Variants in RPS6KA2 observed in about 807,000 individuals in gnomAD.
RPS6KA2 encodes the protein ribosomal protein S6 kinase alpha-2.
In RPS6KA2, 42 loss-of-function variants were observed where a neutral mutation model predicts 91.8. The observed-to-expected ratio is 0.46, with a 90% CI of 0.36 to 0.59. The LOEUF is 0.59. Among genes scored for constraint, RPS6KA2 ranks in the 20% least tolerant of loss-of-function variants. The pLI is 0.00. For missense variants in RPS6KA2, 798 were observed against 978.5 expected, an observed-to-expected ratio of 0.82 and a Z score of 2.46; for synonymous variants, 414 against 393.6, an observed-to-expected ratio of 1.05 and a Z score of -0.61.
intron 11 of RPS6KA2, among the ~76,000 whole-genome samples, chr6:166,465,936 G>A (rs1031218534): frequency 2.6e-5 from 4 of 152,178 alleles, no homozygotes; most frequent in South Asian, 2.1e-4. Context: ...TGCCACTCAC[G>A]GGCTGTGTGG....
chr6:166,710,019 T>A (rs1298143144), intron 2 of RPS6KA2, among the ~76,000 whole-genome samples: 3 of 152,248 alleles, frequency 2.0e-5, no homozygotes, highest in East Asian at 1.9e-4. Flanking sequence ...TGAAGTACTA[T>A]TCAAAATCCT....
At chr6:166,846,847 A>G (rs1202874621) in intron 2 of RPS6KA2, among the ~76,000 whole-genome samples, 1 of 152,214 alleles carries the variant, frequency 6.6e-6, no homozygotes, top group Non-Finnish European at 1.5e-5. Context: ...ATAGTACTGG[A>G]AGTCCTAGCC....
chr6:166,570,018 A>C (rs1164417948), intron 1 of RPS6KA2, among the ~76,000 whole-genome samples: 2 of 152,220 alleles, frequency 1.3e-5, no homozygotes, highest in African/African-American at 4.8e-5. Context: ...TCTGAACTAA[A>C]GTACTGTCTA....
intron 2 of RPS6KA2, among the ~76,000 whole-genome samples, chr6:166,672,853 C>G (rs1788509263): frequency 6.6e-6 from 1 of 152,190 alleles, no homozygotes; most frequent in Non-Finnish European, 1.5e-5. Context: ...GAAGCCTTCC[C>G]CTTGGCTGAA....
chr6:166,439,914 G>A (rs762525753), intron 14 of RPS6KA2: 3 of 152,266 alleles, frequency 2.0e-5, no homozygotes, highest in Non-Finnish European at 4.4e-5. Flanking sequence ...CTGGCCTCCC[G>A]AGCTATGTAT....
intron 2 of RPS6KA2, among the ~76,000 whole-genome samples, chr6:166,687,076 C>T (rs1789044946): frequency 6.6e-6 from 1 of 152,170 alleles, no homozygotes; most frequent in African/African-American, 2.4e-5. Flanking sequence ...TTCACGGACA[C>T]CTGCGACTCT....
chr6:166,747,424 AG>A (rs1247909163), intron 2 of RPS6KA2, among the ~76,000 whole-genome samples: 1 of 152,242 alleles, frequency 6.6e-6, no homozygotes, highest in East Asian at 1.9e-4. Flanking sequence ...CCCAGTTGGA[AG>A]ACACCTTAGA....
At position 166,781,985 on chromosome 6, in the gene RPS6KA2, T is replaced by A. The variant is rs184535742; in HGVS notation, c.123+76215A>T. ...TGTCCCCCCTGGACAGCCCAAGTTA[T>A]GACAACCAAAAATGTCTCTAGAGGC... On this transcript the variant is annotated intron_variant, in intron 2 of 21. Transcript: ENST00000503859. Among the ~76,000 whole-genome samples the A allele has an allele frequency of 1.7e-3, 257 of 152,312 alleles. 1 individual carries two copies. Among genetic ancestry groups the A allele is most frequent in the African/African-American group, 6.0e-3 (248 of 41,570 alleles).
chr6:166,813,864 T>C (rs568347242), intron 2 of RPS6KA2, among the ~76,000 whole-genome samples: 88 of 152,352 alleles, frequency 5.8e-4, no homozygotes, highest in African/African-American at 1.9e-3. Context: ...GTGATGATAT[T>C]GGAGATAGAC....
chr6:166,754,574 T>G (rs1777942920), intron 2 of RPS6KA2, among the ~76,000 whole-genome samples: 1 of 151,330 alleles, frequency 6.6e-6, no homozygotes, highest in Non-Finnish European at 1.5e-5. Flanking sequence ...AGCGTGAGAG[T>G]CCATAAAGGA....
At chr6:166,450,155 C>A (rs1246122846) in intron 13 of RPS6KA2, among the ~76,000 whole-genome samples, 1 of 150,046 alleles carries the variant, frequency 6.7e-6, no homozygotes, top group African/African-American at 2.5e-5. Flanking sequence ...CCACAGGGAC[C>A]ACCAGGGAGA....
At chr6:166,728,270 G>A (rs940073941) in intron 2 of RPS6KA2, among the ~76,000 whole-genome samples, 1 of 152,162 alleles carries the variant, frequency 6.6e-6, no homozygotes, top group African/African-American at 2.4e-5. Context: ...TCAGAACAAC[G>A]TTCCCAGGCC....
At chr6:166,790,692 G>C (rs1224785716) in intron 2 of RPS6KA2, among the ~76,000 whole-genome samples, 2 of 152,252 alleles carry the variant, frequency 1.3e-5, no homozygotes, top group African/African-American at 4.8e-5. Flanking sequence ...AGCCAGAGGA[G>C]AGTGGGGGCC....
chr6:166,791,101 G>A (rs1779075787), intron 2 of RPS6KA2, among the ~76,000 whole-genome samples: 1 of 152,186 alleles, frequency 6.6e-6, no homozygotes, highest in Non-Finnish European at 1.5e-5. Flanking sequence ...CCATCAGTGT[G>A]CTGTATTCAG....
At chr6:166,534,080 G>C (rs1453386157) in intron 2 of RPS6KA2, among the ~76,000 whole-genome samples, 1 of 152,010 alleles carries the variant, frequency 6.6e-6, no homozygotes, top group African/African-American at 2.4e-5. Flanking sequence ...AAATTAGCCA[G>C]GCGCTGTGGC....
chr6:166,692,155 C>G (rs1272171843), intron 2 of RPS6KA2, among the ~76,000 whole-genome samples: 1 of 151,902 alleles, frequency 6.6e-6, no homozygotes, highest in Non-Finnish European at 1.5e-5. Flanking sequence ...CACAAGTGTC[C>G]CCTGTCAAGA....
At chr6:166,452,874 C>CTT (rs1779960717) in intron 12 of RPS6KA2, among the ~76,000 whole-genome samples, 1 of 152,154 alleles carries the variant, frequency 6.6e-6, no homozygotes, top group South Asian at 2.1e-4. Context: ...AGAGAAAACT[C>CTT]TTTAGGACAT....
chr6:166,439,769 G>A (rs972617302), intron 14 of RPS6KA2: 3 of 152,264 alleles, frequency 2.0e-5, no homozygotes, highest in African/African-American at 7.2e-5. Flanking sequence ...TGGAAGCAGG[G>A]ACAGAACTTA....
intron 3 of RPS6KA2, among the ~76,000 whole-genome samples, chr6:166,523,142 T>C (rs550528911): frequency 6.6e-6 from 1 of 152,292 alleles, no homozygotes; most frequent in Non-Finnish European, 1.5e-5. Context: ...GACTCCACCA[T>C]ACAGAGGCGG....
Sources: allele counts gnomAD v4.1 joint callset (sites outside exome capture counted in the v4.1 genomes callset), GRCh38; gene constraint gnomAD v4.1.1; transcripts MANE v1.5; gene names NCBI Gene and HGNC (gene_info 2026-07-23, HGNC 2026-07-21).